RGS6: variants seen among roughly 807,000 people sequenced by gnomAD.
RGS6 encodes regulator of G protein signaling 6.
RGS6 carries 30 observed loss-of-function variants against 78.5 expected under a neutral mutation model. The observed-to-expected ratio is 0.38, with a 90% CI of 0.29 to 0.52. The LOEUF (loss-of-function observed/expected upper bound fraction) is 0.52, where lower values mean the gene tolerates loss of function less well. RGS6 is among the 20% of genes least tolerant of loss of function. The probability of loss-of-function intolerance (pLI) is 0.85; values close to 1 mark genes in which losing one functional copy is unlikely to be tolerated. For synonymous variants in RGS6, 206 were observed against 206.0 expected (o/e 1.00, Z 0.00); for missense variants, 495 against 609.7 (o/e 0.81, Z 1.98).
At chr14:72,047,660 G>A (rs2092949416) in intron 2 of RGS6, among the ~76,000 whole-genome samples, 3 of 152,240 alleles carry the variant, frequency 2.0e-5, no homozygotes, top group Middle Eastern at 3.4e-3. Context: ...ACAGTGATTG[G>A]TAGCCTTATC....
intron 2 of RGS6, among the ~76,000 whole-genome samples, chr14:72,152,189 A>G (rs1244831053): frequency 6.6e-6 from 1 of 151,670 alleles, no homozygotes; most frequent in African/African-American, 2.4e-5. Flanking sequence ...GGGATAAGGT[A>G]GTGTTCTTCA....
chr14:72,500,314 C>T (rs552865417), intron 13 of RGS6, among the ~76,000 whole-genome samples: 4 of 152,292 alleles, frequency 2.6e-5, no homozygotes, highest in Middle Eastern at 3.4e-3. Flanking sequence ...CAAGTGAAAA[C>T]GAAGCCCTGT....
intron 3 of RGS6, among the ~76,000 whole-genome samples, chr14:72,405,772 T>C: frequency 6.6e-6 from 1 of 152,220 alleles, no homozygotes; most frequent in Non-Finnish European, 1.5e-5. Context: ...GCCCCTCTGC[T>C]GGAAGAATCC....
chr14:72,603,970 T>C, the RGS6 span, among the ~76,000 whole-genome samples: 14 of 152,156 alleles, frequency 9.2e-5, no homozygotes, highest in African/African-American at 3.4e-4. Context: ...TTCTGGACAC[T>C]GCATAGAGGA....
Position 72,267,958 on chromosome 14 carries a change from C to A in RGS6, c.85-84137C>A, listed in dbSNP as rs571446853. Among the ~76,000 whole-genome samples, 186 of 152,354 alleles carry A rather than the reference C, an allele frequency of 1.2e-3. 1 individual carries two copies. Among genetic ancestry groups the A allele is most frequent in the African/African-American group, 4.1e-3 (172 of 41,584 alleles). Reference sequence around the variant, plus strand: ...GGAATGACACATACCTATTAACACACTCGCACACTCACTCACACACTCGTG... The same window carrying A: ...GGAATGACACATACCTATTAACACAATCGCACACTCACTCACACACTCGTG... On this transcript the variant is annotated intron_variant, in intron 2 of 17. Transcript: ENST00000553525.
chr14:72,337,732 A>T (rs1165003666), intron 2 of RGS6, among the ~76,000 whole-genome samples: 1 of 152,102 alleles, frequency 6.6e-6, no homozygotes, highest in East Asian at 1.9e-4. Flanking sequence ...AGCTACAAAA[A>T]CCTTTTAATC....
chr14:72,376,378 A>G (rs886514144), intron 3 of RGS6, among the ~76,000 whole-genome samples: 11 of 152,246 alleles, frequency 7.2e-5, no homozygotes, highest in African/African-American at 1.4e-4. Context: ...AAGTGAACAA[A>G]TATTTGCATT....
intron 2 of RGS6, among the ~76,000 whole-genome samples, chr14:72,138,453 T>G (rs2096484190): frequency 1.3e-5 from 2 of 149,066 alleles, no homozygotes; most frequent in East Asian, 2.0e-4. Context: ...GTACCTGTTT[T>G]TTTTTTTTTT....
rs199984675 is a variant in RGS6, at chr14:72,195,025, T to C, written c.85-157070T>C. 4.6e-5 allele frequency among the ~76,000 whole-genome samples: 7 copies of C among 152,158 alleles called. No homozygotes were observed. The East Asian group carries it at 1.4e-3, about 29-fold the overall frequency. On this transcript the variant is annotated intron_variant, in intron 2 of 17. Coordinates refer to ENST00000553525, the MANE Select transcript of RGS6 (RefSeq NM_001204424.2). ...GAGTTCAAGACCAGCCTGGCCAACA[T>C]AGCGAAACCCCGTGTCTGCTAAAAA...
At chr14:71,990,476 T>A (rs1234959640) in intron 2 of RGS6, 1 of 386,974 alleles carries the variant, frequency 2.6e-6, no homozygotes, top group African/African-American at 2.1e-5. Context: ...GGGAATATGT[T>A]ATTAACCAGG....
At chr14:72,541,499 C>A in intron 17 of RGS6, 1 of 1,535,694 alleles carries the variant, frequency 6.5e-7, no homozygotes, top group South Asian at 1.2e-5. Flanking sequence ...CTGCGGGTGC[C>A]TGGTCTATCT....
the RGS6 span, among the ~76,000 whole-genome samples, chr14:71,925,649 T>C: frequency 6.6e-6 from 1 of 150,866 alleles, no homozygotes; most frequent in Non-Finnish European, 1.5e-5. Flanking sequence ...GTACCATTTA[T>C]TTAAGAGACT....
the RGS6 span, among the ~76,000 whole-genome samples, chr14:71,910,491 G>A: frequency 1.3e-5 from 2 of 152,210 alleles, no homozygotes; most frequent in East Asian, 3.8e-4. Flanking sequence ...CTAAGTCACT[G>A]CTTTGAGTCA....
At chr14:72,609,184 C>A in the RGS6 span, among the ~76,000 whole-genome samples, 2 of 152,144 alleles carry the variant, frequency 1.3e-5, no homozygotes, top group East Asian at 1.9e-4. Context: ...TCTTTGAGAA[C>A]GTGCGAGCAT....
At chr14:72,305,465 G>A (rs549171898) in intron 2 of RGS6, among the ~76,000 whole-genome samples, 2 of 152,258 alleles carry the variant, frequency 1.3e-5, no homozygotes, top group South Asian at 4.1e-4. Context: ...CCAAAAGCAT[G>A]TGTTTACTCC....
chr14:72,573,636 T>C, the RGS6 span, among the ~76,000 whole-genome samples: 2 of 152,160 alleles, frequency 1.3e-5, no homozygotes, highest in Non-Finnish European at 2.9e-5. Flanking sequence ...ATTCACTTCT[T>C]CTCCAACCAA....
At chr14:72,233,768 C>A (rs181926973) in intron 2 of RGS6, among the ~76,000 whole-genome samples, 1 of 152,100 alleles carries the variant, frequency 6.6e-6, no homozygotes, top group African/African-American at 2.4e-5. Flanking sequence ...TGGGCCAGAC[C>A]GGACGCTAGA....
chr14:72,007,972 A>G (rs954338318), intron 2 of RGS6, among the ~76,000 whole-genome samples: 3 of 152,192 alleles, frequency 2.0e-5, no homozygotes, highest in African/African-American at 7.2e-5. Context: ...AGACTGAGAA[A>G]ACTAACTCCC....
Position 72,551,212 on chromosome 14 carries a change from G to T in RGS6, c.1422+11118G>T, listed in dbSNP as rs189345065. ...GACCATCAAGGAGTGTGGCTTGTGT[G>T]TGTGAGCCCCGTGACCCACCCTTCA... On this transcript the variant is annotated intron_variant, in intron 17 of 17. Coordinates refer to ENST00000553525, the MANE Select transcript of RGS6 (RefSeq NM_001204424.2). Among the ~76,000 whole-genome samples the T allele has an allele frequency of 4.3e-3, 653 of 152,238 alleles. 4 individuals carry two copies. Among genetic ancestry groups the T allele is most frequent in the Non-Finnish European group, 7.2e-3 (487 of 68,014 alleles).
Sources: allele counts gnomAD v4.1 joint callset (sites outside exome capture counted in the v4.1 genomes callset), GRCh38; gene constraint gnomAD v4.1.1; transcripts MANE v1.5; gene names NCBI Gene and HGNC (gene_info 2026-07-23, HGNC 2026-07-21).